Variants in RECK observed in about 807,000 individuals in gnomAD.
RECK encodes the protein reversion inducing cysteine rich protein with kazal motifs, also known as reversion-inducing cysteine-rich protein with Kazal motifs.
A neutral mutation model predicts 115.1 loss-of-function variants in RECK; 69 were observed. That is an observed-to-expected ratio of 0.60 (90% CI 0.49 to 0.73). The LOEUF (loss-of-function observed/expected upper bound fraction) is 0.73, where lower values mean the gene tolerates loss of function less well. Ranked by LOEUF, RECK falls within the 30% of genes least tolerant of loss-of-function variation. The pLI is 0.00. For synonymous variants in RECK, 414 were observed against 419.7 expected, an observed-to-expected ratio of 0.99 and a Z score of 0.17; for missense variants, 1,047 against 1,203.7, an observed-to-expected ratio of 0.87 and a Z score of 1.93.
intron 14 of RECK, among the ~76,000 whole-genome samples, chr9:36,108,772 C>T (rs1052350374): frequency 1.6e-4 from 24 of 152,082 alleles, no homozygotes; most frequent in Non-Finnish European, 2.1e-4. Flanking sequence ...TGACCACCTT[C>T]CCTAAAAATC....
intron 1 of RECK, among the ~76,000 whole-genome samples, chr9:36,049,893 A>G (rs930358815): frequency 2.6e-5 from 4 of 152,206 alleles, no homozygotes; most frequent in Non-Finnish European, 5.9e-5. Context: ...CCACATTGCC[A>G]AGTACTGTGA....
chr9:36,069,714 C>T (rs1822154049), intron 6 of RECK, among the ~76,000 whole-genome samples: 2 of 152,048 alleles, frequency 1.3e-5, no homozygotes, highest in Admixed American at 1.3e-4. Flanking sequence ...AGAAAATCCT[C>T]TCTAACTGGA....
At chr9:36,069,477 T>A (rs1822142151) in intron 6 of RECK, among the ~76,000 whole-genome samples, 4 of 116,408 alleles carry the variant, frequency 3.4e-5, no homozygotes, top group East Asian at 2.7e-4. Context: ...GAGGTGGAGG[T>A]TGCAAAAAAA....
Position 36,108,093 on chromosome 9 carries a change from T to C in RECK, c.1694T>C (p.Leu565Pro). 6.2e-7 allele frequency: 1 copy of C among 1,614,110 alleles called. No individual in the cohort carries two copies. The highest frequency in any genetic ancestry group is 1.3e-5 in the African/African-American group (1 of 75,066). The change falls in exon 14 of 21, where the codon CTC (leucine) becomes CCC (proline). Residue 565 changes from leucine to proline, a missense_variant. Physicochemically the swap from Leu to Pro is moderately conservative, Grantham distance 98 (BLOSUM62 -3). Coordinates refer to ENST00000377966, the MANE Select transcript of RECK (RefSeq NM_021111.3). ...YKICSCGQSGLLENCMEMHCI... is the reference protein window; with the variant it reads ...YKICSCGQSGPLENCMEMHCI... Reference sequence around the variant, plus strand: ...ATCTGTTCATGTGGACAAAGTGGACTCTTAGAAAACTGTATGGAAATGCAC... The same window carrying C: ...ATCTGTTCATGTGGACAAAGTGGACCCTTAGAAAACTGTATGGAAATGCAC...
chr9:36,083,073 A>G (rs763804992), intron 7 of RECK, among the ~76,000 whole-genome samples: 3 of 152,200 alleles, frequency 2.0e-5, no homozygotes, highest in Non-Finnish European at 4.4e-5. Context: ...CCTAACCCTC[A>G]TGTACTAAAT....
chr9:36,064,271 C>T (rs1821902451), intron 5 of RECK, among the ~76,000 whole-genome samples: 1 of 152,178 alleles, frequency 6.6e-6, no homozygotes, highest in African/African-American at 2.4e-5. Flanking sequence ...TCTGTTTCAT[C>T]ATGGCTTTAC....
Position 36,052,272 on chromosome 9 carries a change from G to A in RECK, c.108G>A (p.Leu36=). ...TTTATTTTTTCTCCCTAGGTGCATTGTGTTGTAATCATTCAAAGGATAACC... is the reference window on the plus strand; with the variant it reads ...TTTATTTTTTCTCCCTAGGTGCATTATGTTGTAATCATTCAAAGGATAACC... ...GGLAPGSAGA[L]CCNHSKDNQM... is the part of the protein sequence containing the mutation. The change falls in exon 2 of 21, where the codon TTG becomes TTA. Residue 36 remains leucine, a synonymous_variant. Transcript: ENST00000377966. 1 of 1,604,662 alleles carries A rather than the reference G, an allele frequency of 6.2e-7. No homozygotes were observed. Among genetic ancestry groups the A allele is most frequent in the Non-Finnish European group, 8.5e-7 (1 of 1,171,696 alleles).
intron 1 of RECK, among the ~76,000 whole-genome samples, chr9:36,042,428 G>A (rs2132546596): frequency 1.1e-5 from 1 of 91,160 alleles, no homozygotes; most frequent in Non-Finnish European, 2.0e-5. Context: ...TCCATAGTGT[G>A]TGTGTGTGTG....
intron 6 of RECK, among the ~76,000 whole-genome samples, chr9:36,067,285 A>G (rs1256415662): frequency 6.6e-6 from 1 of 152,142 alleles, no homozygotes; most frequent in African/African-American, 2.4e-5. Context: ...GGCTTTTAGT[A>G]TCTTTTCCTT....
At chr9:36,046,975 T>C (rs566887782) in intron 1 of RECK, among the ~76,000 whole-genome samples, 2 of 152,308 alleles carry the variant, frequency 1.3e-5, no homozygotes, top group Admixed American at 1.3e-4. Context: ...AAATAGACCT[T>C]TGCTCCAAGA....
At position 36,065,905 on chromosome 9, in the gene RECK, G is replaced by C. The variant is rs372004703; in HGVS notation, c.405+281G>C. On this transcript the variant is annotated intron_variant, in intron 6 of 20. Transcript: ENST00000377966. ...TAACAAAGCAACTAGTTGTACCCAA[G>C]GTTGTGAAATAGTTTTTCTCGTGTT... Among the ~76,000 whole-genome samples the C allele has an allele frequency of 1.2e-4, 18 of 152,190 alleles. No individual in the cohort carries two copies. In the South Asian group the frequency reaches 3.7e-3, roughly 32 times the overall value.
chr9:36,116,007 T>C (rs1387179848), intron 16 of RECK, among the ~76,000 whole-genome samples: 2 of 152,188 alleles, frequency 1.3e-5, no homozygotes, highest in East Asian at 3.8e-4. Flanking sequence ...GGTCCTCATC[T>C]TACTAGGAAA....
chr9:36,106,464 C>T (rs1162822288), intron 13 of RECK, among the ~76,000 whole-genome samples: 3 of 151,644 alleles, frequency 2.0e-5, no homozygotes, highest in Admixed American at 2.0e-4. Context: ...TTTTGAACTC[C>T]TGACCTCAGG....
chr9:36,083,448 C>G lies in RECK; in HGVS notation c.523C>G (p.Pro175Ala), dbSNP rs1822810691. 1.2e-6 allele frequency: 2 copies of G among 1,614,066 alleles called. No homozygotes were observed. The highest frequency in any genetic ancestry group is 1.7e-6 in the Non-Finnish European group (2 of 1,179,962). The change falls in exon 8 of 21, where the codon CCT (proline) becomes GCT (alanine). Residue 175 changes from proline (P) to alanine (A), a missense_variant. Pro to Ala is a conservative substitution (Grantham distance 27, BLOSUM62 -1). Coordinates refer to ENST00000377966, the MANE Select transcript of RECK (RefSeq NM_021111.3). ...CQAIFRTDSS[P>A]GPSQIKAVEN... ...AGCCATTTTTCGAACAGACTCTTCT[C>G]CTGGTCCATCTCAGATAAAAGCAGT...
chr9:36,065,152 A>G (rs1352536543), intron 5 of RECK, among the ~76,000 whole-genome samples: 1 of 149,718 alleles, frequency 6.7e-6, no homozygotes, highest in African/African-American at 2.4e-5. Context: ...TAGAATGTGA[A>G]GAGTTAAAGA....
intron 16 of RECK, among the ~76,000 whole-genome samples, chr9:36,112,760 C>T (rs1044717852): frequency 7.2e-5 from 11 of 152,108 alleles, no homozygotes; most frequent in African/African-American, 2.7e-4. Flanking sequence ...AGATTGCAGG[C>T]AAGGTTTGCA....
chr9:36,105,386 G>A, intron 13 of RECK, 103 bp downstream of exon 13: 1 of 1,119,960 alleles, frequency 8.9e-7, no homozygotes, highest in Non-Finnish European at 1.3e-6. Context: ...CTGTAATATA[G>A]GGGTTATCTT....
intron 7 of RECK, among the ~76,000 whole-genome samples, chr9:36,082,888 GT>G (rs1223563412): frequency 5.3e-5 from 8 of 152,100 alleles, no homozygotes; most frequent in African/African-American, 1.7e-4. Flanking sequence ...GGGATTTGGG[GT>G]TTTGTTTTAT....
At chr9:36,093,870 C>G (rs1319820773) in intron 10 of RECK, among the ~76,000 whole-genome samples, 1 of 152,066 alleles carries the variant, frequency 6.6e-6, no homozygotes, top group Non-Finnish European at 1.5e-5. Flanking sequence ...AAAAAAGACA[C>G]TTTACATATG....
Sources: gnomAD v4.1 joint callset for allele counts (sites outside exome capture counted in the v4.1 genomes callset) on GRCh38, gnomAD v4.1.1 for gene constraint, MANE v1.5 for transcripts, NCBI Gene and HGNC (gene_info 2026-07-23, HGNC 2026-07-21) for gene names.